Variants in COL11A1 observed in about 807,000 individuals in gnomAD.
The protein encoded by COL11A1 is collagen alpha-1(XI) chain.
In COL11A1, 74 loss-of-function variants were observed where a neutral mutation model predicts 265.2. The observed-to-expected ratio is 0.28, with a 90% CI of 0.23 to 0.34. COL11A1 has a LOEUF of 0.34. COL11A1 is among the 10% of genes least tolerant of loss of function. COL11A1 has a pLI of 1.00. For missense variants in COL11A1, 2,165 were observed against 2,263.6 expected (o/e 0.96, Z 0.88); for synonymous variants, 816 against 727.6 (o/e 1.12, Z -1.96).
intron 46 of COL11A1, among the ~76,000 whole-genome samples, chr1:102,933,376 TG>T (rs1180063507): frequency 2.7e-5 from 4 of 146,058 alleles, no homozygotes. Context: ...GTGCCCCTGC[TG>T]GGGGGTGCCT....
At chr1:103,019,744 C>G (rs1666856239) in intron 9 of COL11A1, among the ~76,000 whole-genome samples, 1 of 117,806 alleles carries the variant, frequency 8.5e-6, no homozygotes, top group Non-Finnish European at 1.7e-5. Flanking sequence ...CCCCCTCCCC[C>G]CACCCCACAA....
intron 38 of COL11A1, among the ~76,000 whole-genome samples, chr1:102,963,928 C>T (rs1466740930): frequency 6.6e-6 from 1 of 151,796 alleles, no homozygotes; most frequent in African/African-American, 2.4e-5. Flanking sequence ...GTATTGCAAT[C>T]TATATTATTC....
chr1:102,978,967 CACTA>C, intron 33 of COL11A1, 54 bp from the exon 34 acceptor site: 1 of 1,610,722 alleles, frequency 6.2e-7, no homozygotes, highest in Non-Finnish European at 8.5e-7. Flanking sequence ...AATCCAAAGA[CACTA>C]AATCAATTTT....
chr1:102,987,505 T>G (rs1663693307), intron 30 of COL11A1, 128 bp downstream of exon 30: 1 of 777,726 alleles, frequency 1.3e-6, no homozygotes, highest in African/African-American at 1.7e-5. Context: ...AAATTTAAAA[T>G]GATAATGAAA....
intron 54 of COL11A1, among the ~76,000 whole-genome samples, chr1:102,901,549 T>C (rs1653204449): frequency 6.6e-6 from 1 of 152,186 alleles, no homozygotes; most frequent in South Asian, 2.1e-4. Flanking sequence ...GGACAAATTG[T>C]TGTCCCAATA....
intron 4 of COL11A1, among the ~76,000 whole-genome samples, chr1:103,063,799 A>C (rs1043682864): frequency 6.6e-6 from 1 of 152,226 alleles, no homozygotes; most frequent in African/African-American, 2.4e-5. Flanking sequence ...ATGTGTTTGC[A>C]AAAGACATAC....
At chr1:103,102,631 GA>G (rs1347398654) in intron 1 of COL11A1, among the ~76,000 whole-genome samples, 5 of 151,826 alleles carry the variant, frequency 3.3e-5, no homozygotes, top group Non-Finnish European at 7.4e-5. Flanking sequence ...AAAGTAAGGA[GA>G]AAATAAAAGT....
At chr1:102,888,808 T>C in intron 60 of COL11A1, 50 bp from the exon 61 acceptor site, 1 of 1,613,014 alleles carries the variant, frequency 6.2e-7, no homozygotes, top group South Asian at 1.1e-5. Context: ...AGCATTTGTG[T>C]CTCTGTTATA....
chr1:103,084,800 T>C (rs1372518311), intron 1 of COL11A1, among the ~76,000 whole-genome samples: 2 of 152,160 alleles, frequency 1.3e-5, no homozygotes, highest in East Asian at 3.9e-4. Context: ...AACTTCTACA[T>C]TGAGCAAATC....
chr1:103,105,661 A>C (rs1263373992), intron 1 of COL11A1, among the ~76,000 whole-genome samples: 1 of 152,168 alleles, frequency 6.6e-6, no homozygotes, highest in African/African-American at 2.4e-5. Flanking sequence ...TGATGCTGGG[A>C]TATAATATCT....
intron 37 of COL11A1, among the ~76,000 whole-genome samples, chr1:102,968,856 G>T (rs1353547478): frequency 6.6e-6 from 1 of 152,116 alleles, no homozygotes; most frequent in Non-Finnish European, 1.5e-5. Flanking sequence ...ATTTTTGTTA[G>T]AAGTGGAAGC....
intron 4 of COL11A1, among the ~76,000 whole-genome samples, chr1:103,051,713 A>G (rs1486979469): frequency 6.6e-6 from 1 of 152,200 alleles, no homozygotes; most frequent in Admixed American, 6.5e-5. Flanking sequence ...GGAGCTGTAG[A>G]CTGGAGCTGT....
chr1:102,940,495 T>C (rs1658611557), intron 42 of COL11A1, 61 bp from the exon 43 acceptor site: 2 of 1,179,738 alleles, frequency 1.7e-6, no homozygotes, highest in Admixed American at 1.9e-5. Flanking sequence ...ACAAGAGTAA[T>C]AATCTAGCTT....
At chr1:103,074,554 T>C in intron 4 of COL11A1, 64 bp downstream of exon 4, 1 of 1,574,542 alleles carries the variant, frequency 6.4e-7, no homozygotes, top group Admixed American at 1.7e-5. Flanking sequence ...GCGATATTTT[T>C]ACTGTTGTTA....
At position 103,104,011 on chromosome 1, in the gene COL11A1, T is replaced by A. The variant is rs190450113; in HGVS notation, c.106+4062A>T. 6.5e-4 allele frequency among the ~76,000 whole-genome samples: 99 copies of A among 152,232 alleles called. No homozygotes were observed. The East Asian group carries it at 0.011, about 17-fold the overall frequency. ...TTGAATATTACAAGAATATTTTTTA[T>A]GAGGAAGAGTATTCAGCTGACAACT... is the stretch of plus-strand genomic sequence containing the variant. On this transcript the variant is annotated intron_variant, in intron 1 of 66. Coordinates refer to ENST00000370096, the MANE Select transcript of COL11A1 (RefSeq NM_001854.4).
intron 40 of COL11A1, 120 bp from the exon 41 acceptor site, chr1:102,962,039 T>C (rs1660959909): frequency 1.9e-6 from 2 of 1,028,614 alleles, no homozygotes; most frequent in South Asian, 1.4e-5. Flanking sequence ...ACTACATATA[T>C]ACACATATAT....
At chr1:103,024,353 C>T (rs1667352455) in intron 7 of COL11A1, among the ~76,000 whole-genome samples, 1 of 152,076 alleles carries the variant, frequency 6.6e-6, no homozygotes, top group Non-Finnish European at 1.5e-5. Context: ...GCTTATCTTG[C>T]CAATTTGTAA....
intron 41 of COL11A1, among the ~76,000 whole-genome samples, chr1:102,958,997 C>T (rs899746094): frequency 2.4e-4 from 36 of 152,172 alleles, no homozygotes; most frequent in African/African-American, 8.2e-4. Flanking sequence ...ATAAATCCTA[C>T]TACCTCGCCC....
chr1:102,962,312 T>C (rs765690907), intron 39 of COL11A1, 47 bp from the exon 40 acceptor site: 1 of 1,412,310 alleles, frequency 7.1e-7, no homozygotes, highest in South Asian at 1.2e-5. Context: ...TTTCTACACA[T>C]CTTTCTACAA....
Sources: allele counts gnomAD v4.1 joint callset (sites outside exome capture counted in the v4.1 genomes callset), GRCh38; gene constraint gnomAD v4.1.1; transcripts MANE v1.5; gene names NCBI Gene and HGNC (gene_info 2026-07-23, HGNC 2026-07-21).